CSMD1: variants seen among roughly 807,000 people sequenced by gnomAD.
CSMD1 encodes CUB and Sushi multiple domains 1.
A neutral mutation model predicts 417.5 loss-of-function variants in CSMD1; 213 were observed. The observed-to-expected ratio is 0.51, with a 90% CI of 0.46 to 0.57. CSMD1 has a LOEUF of 0.57. Among genes scored for constraint, CSMD1 ranks in the 20% least tolerant of loss-of-function variants. CSMD1 has a pLI of 0.00. For synonymous variants in CSMD1, 2,862 were observed against 1,736.8 expected, an observed-to-expected ratio of 1.65 and a Z score of -16.11; for missense variants, 6,923 against 4,529.7, an observed-to-expected ratio of 1.53 and a Z score of -15.17.
chr8:2,991,227 C>T (rs1441398567), intron 54 of CSMD1, among the ~76,000 whole-genome samples: 2 of 152,128 alleles, frequency 1.3e-5, no homozygotes, highest in Non-Finnish European at 2.9e-5. Flanking sequence ...CACTTAAAAT[C>T]GCAATGCTAA....
intron 1 of CSMD1, among the ~76,000 whole-genome samples, chr8:4,759,938 T>A (rs1811934472): frequency 6.6e-6 from 1 of 152,208 alleles, no homozygotes; most frequent in Admixed American, 6.5e-5. Context: ...AAACATGGAA[T>A]TACTAGGTCA....
At chr8:4,160,455 G>T (rs144144186) in intron 3 of CSMD1, among the ~76,000 whole-genome samples, 1 of 152,276 alleles carries the variant, frequency 6.6e-6, no homozygotes, top group East Asian at 1.9e-4. Context: ...TTTCAATAAA[G>T]TAAGTGTTGG....
At chr8:4,122,330 T>C (rs905527077) in intron 3 of CSMD1, among the ~76,000 whole-genome samples, 2 of 152,166 alleles carry the variant, frequency 1.3e-5, no homozygotes, top group Admixed American at 6.5e-5. Context: ...TTAAGGGATA[T>C]TTAACCCAAG....
intron 49 of CSMD1, among the ~76,000 whole-genome samples, chr8:3,077,518 C>G (rs371584231): frequency 6.6e-6 from 1 of 152,204 alleles, no homozygotes; most frequent in African/African-American, 2.4e-5. Flanking sequence ...GGGCAGAAGC[C>G]TCATCCTGGC....
intron 23 of CSMD1, among the ~76,000 whole-genome samples, chr8:3,342,044 G>C (rs1020834955): frequency 3.9e-5 from 6 of 152,120 alleles, no homozygotes; most frequent in African/African-American, 1.4e-4. Flanking sequence ...TATAATTATA[G>C]GTTGATCTTG....
At chr8:4,610,157 T>G (rs1801090871) in intron 2 of CSMD1, among the ~76,000 whole-genome samples, 1 of 152,182 alleles carries the variant, frequency 6.6e-6, no homozygotes, top group Non-Finnish European at 1.5e-5. Context: ...ACACCTTTTC[T>G]TCCCCTGCTT....
chr8:3,491,553 G>C (rs192221572), intron 11 of CSMD1, among the ~76,000 whole-genome samples: 30 of 152,296 alleles, frequency 2.0e-4, no homozygotes, highest in Admixed American at 1.1e-3. Context: ...TGGGCCAGCA[G>C]GAAGATAAGC....
chr8:3,526,724 C>A (rs1021747305), intron 10 of CSMD1, among the ~76,000 whole-genome samples: 1 of 152,172 alleles, frequency 6.6e-6, no homozygotes, highest in African/African-American at 2.4e-5. Flanking sequence ...CTAGCTGTAT[C>A]CCCTTCAATA....
intron 23 of CSMD1, among the ~76,000 whole-genome samples, chr8:3,334,111 T>C (rs149200515): frequency 1.5e-3 from 228 of 152,306 alleles, no homozygotes; most frequent in African/African-American, 5.1e-3. Context: ...GAGTGTCTAC[T>C]GATGTGTTTG....
At chr8:3,912,903 C>G (rs1437387235) in intron 5 of CSMD1, among the ~76,000 whole-genome samples, 1 of 152,152 alleles carries the variant, frequency 6.6e-6, no homozygotes, top group East Asian at 1.9e-4. Context: ...ATCAATTAAT[C>G]AGCAGCTATG....
In CSMD1 at chr8:3,721,713, A is replaced by C. The variant is rs949194956; in HGVS notation, c.932-13222T>G. ...TTTCATTAAATAACATGTTAAATGAAAGTTAATGGGGTGAAAAATAAAGGA... is the reference window on the plus strand; with the variant it reads ...TTTCATTAAATAACATGTTAAATGACAGTTAATGGGGTGAAAAATAAAGGA... On this transcript the variant is annotated intron_variant, in intron 6 of 69. Transcript: ENST00000635120. Among the ~76,000 whole-genome samples the C allele has an allele frequency of 3.3e-5, 5 of 152,158 alleles. No homozygotes were observed. In the East Asian group the frequency reaches 5.8e-4, roughly 18 times the overall value.
chr8:4,109,743 A>G (rs577136736), intron 3 of CSMD1, among the ~76,000 whole-genome samples: 3 of 152,294 alleles, frequency 2.0e-5, no homozygotes, highest in Non-Finnish European at 4.4e-5. Context: ...TCTTATTTTT[A>G]AAGTGTCATG....
chr8:3,790,261 G>A (rs954949788), intron 5 of CSMD1, among the ~76,000 whole-genome samples: 7 of 152,134 alleles, frequency 4.6e-5, no homozygotes, highest in African/African-American at 1.4e-4. Flanking sequence ...CAATCAAACT[G>A]AAACGAAATA....
chr8:3,820,880 G>C (rs1801698229), intron 5 of CSMD1, among the ~76,000 whole-genome samples: 1 of 151,896 alleles, frequency 6.6e-6, no homozygotes, highest in Non-Finnish European at 1.5e-5. Context: ...GCCTTCTTCG[G>C]AATACCTCCT....
chr8:4,447,180 T>C (rs1453142973), intron 2 of CSMD1, among the ~76,000 whole-genome samples: 4 of 152,216 alleles, frequency 2.6e-5, no homozygotes, highest in Admixed American at 2.6e-4. Flanking sequence ...CCCATGTTAT[T>C]TCCCAATTAT....
rs182826900 is a variant in CSMD1, at chr8:4,346,975, G to A, written c.415+72978C>T. Among the ~76,000 whole-genome samples, 7 of 152,240 alleles carry A rather than the reference G, an allele frequency of 4.6e-5. No homozygotes were observed. In the South Asian group the frequency reaches 8.3e-4, roughly 18 times the overall value. On this transcript the variant is annotated intron_variant, in intron 3 of 69. Transcript: ENST00000635120. ...GGTAACATTCAACTCTCTTGTAATGGAGGGTGCTTGTGGCTGAGGACAAGG... is the reference window on the plus strand; with the variant it reads ...GGTAACATTCAACTCTCTTGTAATGAAGGGTGCTTGTGGCTGAGGACAAGG...
chr8:4,641,037 C>T (rs1365323915), intron 1 of CSMD1, among the ~76,000 whole-genome samples: 10 of 150,904 alleles, frequency 6.6e-5, no homozygotes, highest in South Asian at 4.2e-4. Flanking sequence ...ATTTCAATTT[C>T]GATTTCAATT....
chr8:3,410,982 G>A (rs1443601174), intron 12 of CSMD1, among the ~76,000 whole-genome samples: 1 of 152,128 alleles, frequency 6.6e-6, no homozygotes, highest in East Asian at 1.9e-4. Context: ...TCAGCCCTTC[G>A]AAAAGGAGAT....
chr8:4,772,261 G>C (rs1796640109), intron 1 of CSMD1, among the ~76,000 whole-genome samples: 2 of 152,162 alleles, frequency 1.3e-5, no homozygotes, highest in Non-Finnish European at 2.9e-5. Context: ...TATCCTAAAA[G>C]TCAGCAACAG....
Sources: gnomAD v4.1 joint callset for allele counts (sites outside exome capture counted in the v4.1 genomes callset) on GRCh38, gnomAD v4.1.1 for gene constraint, MANE v1.5 for transcripts, NCBI Gene and HGNC (gene_info 2026-07-23, HGNC 2026-07-21) for gene names.